IQCB1: variants seen among roughly 807,000 people sequenced by gnomAD.
IQCB1 encodes IQ motif containing B1, also known as IQ calmodulin-binding motif-containing protein 1.
IQCB1 carries 56 observed loss-of-function variants against 84.4 expected under a neutral mutation model. That is an observed-to-expected ratio of 0.66 (90% CI 0.54 to 0.83). The LOEUF is 0.83. Ranked by LOEUF, IQCB1 falls within the 40% of genes least tolerant of loss-of-function variation. The pLI is 0.00. For missense variants in IQCB1, 629 were observed against 682.1 expected (o/e 0.92, Z 0.87); for synonymous variants, 210 against 234.8 (o/e 0.89, Z 0.96).
Position 121,797,150 on chromosome 3 carries a change from T to TTC in IQCB1, c.843_844insGA (p.Ser282GlufsTer9). ...TCTACTTCCTGATAGACCATTGGGCTTAAAAGGCCAACAAGCTGTCTAAGT... is the reference window on the plus strand; with the variant it reads ...TCTACTTCCTGATAGACCATTGGGCTTCTAAAAGGCCAACAAGCTGTCTAAGT... On this transcript the variant is annotated frameshift_variant, in exon 9 of 15. Coordinates refer to ENST00000310864, the MANE Select transcript of IQCB1 (RefSeq NM_001023570.4). LOFTEE classifies it high-confidence loss of function. 1 of 1,608,822 alleles carries TTC rather than the reference T, an allele frequency of 6.2e-7. No individual in the cohort carries two copies. The highest frequency in any genetic ancestry group is 8.5e-7 in the Non-Finnish European group (1 of 1,176,054).
chr3:121,832,307 G>T (rs1356267848), intron 2 of IQCB1, among the ~76,000 whole-genome samples: 2 of 148,158 alleles, frequency 1.3e-5, no homozygotes, highest in Non-Finnish European at 3.0e-5. Context: ...TGACTATGGG[G>T]TCTTTACCAT....
At chr3:121,822,945 T>C (rs556895582) in intron 5 of IQCB1, among the ~76,000 whole-genome samples, 3 of 152,270 alleles carry the variant, frequency 2.0e-5, no homozygotes, top group East Asian at 1.9e-4. Flanking sequence ...CCCAGATAAT[T>C]TGACCCAGAG....
chr3:121,781,977 A>C, intron 12 of IQCB1, 103 bp from the exon 13 acceptor site: 2 of 1,159,502 alleles, frequency 1.7e-6, no homozygotes, highest in Non-Finnish European at 2.5e-6. Context: ...ATAATGATTA[A>C]CTCTGAGTGT....
chr3:121,789,736 A>G (rs1948881764), intron 11 of IQCB1, among the ~76,000 whole-genome samples: 1 of 152,260 alleles, frequency 6.6e-6, no homozygotes, highest in African/African-American at 2.4e-5. Context: ...CTCTGATGGC[A>G]GAATGTAATA....
intron 13 of IQCB1, among the ~76,000 whole-genome samples, chr3:121,779,341 T>TC (rs1948378800): frequency 6.6e-6 from 1 of 152,160 alleles, no homozygotes; most frequent in Non-Finnish European, 1.5e-5. Flanking sequence ...TTTTCCCCTC[T>TC]CTGTGACTCA....
intron 5 of IQCB1, among the ~76,000 whole-genome samples, chr3:121,813,210 G>C (rs1016154288): frequency 1.3e-5 from 2 of 152,162 alleles, no homozygotes; most frequent in African/African-American, 4.8e-5. Flanking sequence ...ATCCTTTATA[G>C]ACAAGCAAAT....
intron 5 of IQCB1, among the ~76,000 whole-genome samples, chr3:121,813,594 GAAAGCAAAAA>G (rs1278302072): frequency 1.3e-5 from 2 of 151,678 alleles, no homozygotes; most frequent in African/African-American, 4.8e-5. Context: ...CAAGCAAATG[GAAAGCAAAAA>G]AAAGCAGGAG....
At chr3:121,778,637 G>A (rs1576539071) in intron 13 of IQCB1, among the ~76,000 whole-genome samples, 1 of 151,672 alleles carries the variant, frequency 6.6e-6, no homozygotes, top group South Asian at 2.1e-4. Context: ...CGGGGGTGGT[G>A]GCTCATGCCT....
At chr3:121,804,382 G>GT (rs2108583899) in intron 7 of IQCB1, among the ~76,000 whole-genome samples, 1 of 152,118 alleles carries the variant, frequency 6.6e-6, no homozygotes, top group African/African-American at 2.4e-5. Context: ...CTATTTCTTT[G>GT]TGTAGATGAA....
chr3:121,821,609 T>C (rs896202206), intron 5 of IQCB1, among the ~76,000 whole-genome samples: 2 of 152,212 alleles, frequency 1.3e-5, no homozygotes, highest in Admixed American at 1.3e-4. Context: ...TCATGGATAA[T>C]ATAAACAAAT....
chr3:121,794,277 T>C (rs1949098811), intron 10 of IQCB1, among the ~76,000 whole-genome samples: 1 of 152,204 alleles, frequency 6.6e-6, no homozygotes. Context: ...ACAGAAAATG[T>C]GCCATATGCA....
At chr3:121,783,480 T>C (rs774930161) in intron 12 of IQCB1, among the ~76,000 whole-genome samples, 13 of 152,236 alleles carry the variant, frequency 8.5e-5, no homozygotes, top group Non-Finnish European at 1.8e-4. Context: ...TTTTGAACAA[T>C]ATAGTACACT....
intron 2 of IQCB1, 107 bp from the exon 3 acceptor site, chr3:121,829,079 T>A (rs1226766764): frequency 2.8e-6 from 2 of 712,036 alleles, no homozygotes; most frequent in Non-Finnish European, 5.0e-6. Context: ...CAGCTTTTCT[T>A]GCCTTGTTTG....
intron 13 of IQCB1, among the ~76,000 whole-genome samples, chr3:121,775,417 TG>T (rs1275121544): frequency 2.0e-5 from 3 of 152,170 alleles, no homozygotes; most frequent in Admixed American, 6.5e-5. Context: ...AAGTGGAAGT[TG>T]AACAATGAGA....
chr3:121,781,623 C>T (rs1948494901), intron 13 of IQCB1, 120 bp downstream of exon 13: 2 of 944,806 alleles, frequency 2.1e-6, no homozygotes, highest in Admixed American at 2.0e-5. Context: ...CTTATACCAG[C>T]AATAAATGTA....
At position 121,826,039 on chromosome 3, in the gene IQCB1, A is replaced by ATATT. The variant is rs1950453641; in HGVS notation, c.393+11_393+12insAATA. ...AACTGATTTAGCTACAAAAGACTAA[A>ATATT]TAAACACATACCTTAGCTGCATTGA... On this transcript the variant is annotated intron_variant, in intron 5 of 14. Coordinates refer to ENST00000310864, the MANE Select transcript of IQCB1 (RefSeq NM_001023570.4). The ATATT allele has an allele frequency of 3.1e-6, 5 of 1,610,152 alleles. No individual in the cohort carries two copies. Among genetic ancestry groups the ATATT allele is most frequent in the Non-Finnish European group, 4.2e-6 (5 of 1,176,706 alleles).
chr3:121,814,271 T>C (rs1949961441), intron 5 of IQCB1, among the ~76,000 whole-genome samples: 1 of 152,154 alleles, frequency 6.6e-6, no homozygotes, highest in African/African-American at 2.4e-5. Flanking sequence ...TAGAACAGTG[T>C]GTAGAGGGAA....
At chr3:121,833,784 T>A (rs1189281949) in intron 2 of IQCB1, among the ~76,000 whole-genome samples, 1 of 152,166 alleles carries the variant, frequency 6.6e-6, no homozygotes, top group African/African-American at 2.4e-5. Context: ...TAGCAATTCC[T>A]ACCTCCTAGA....
chr3:121,774,604 G>T (rs905368708), intron 13 of IQCB1, among the ~76,000 whole-genome samples: 2 of 152,086 alleles, frequency 1.3e-5, no homozygotes, highest in Non-Finnish European at 2.9e-5. Context: ...AGAAAATTCC[G>T]ACATATGCTA....
Sources: gnomAD v4.1 joint callset for allele counts (sites outside exome capture counted in the v4.1 genomes callset) on GRCh38, gnomAD v4.1.1 for gene constraint, MANE v1.5 for transcripts, NCBI Gene and HGNC (gene_info 2026-07-23, HGNC 2026-07-21) for gene names.